DMD: variants seen among roughly 807,000 people sequenced by gnomAD.
DMD encodes mutant dystrophin.
DMD carries 63 observed loss-of-function variants against 330.1 expected under a neutral mutation model. The observed-to-expected ratio is 0.19, with a 90% CI of 0.16 to 0.24. DMD has a LOEUF of 0.24. DMD is among the 10% of genes least tolerant of loss of function. DMD has a pLI of 1.00. For missense variants in DMD, 3,344 were observed against 2,684.1 expected (o/e 1.25, Z -5.43); for synonymous variants, 1,223 against 959.8 (o/e 1.27, Z -5.07).
chrX:31,867,091 G>GATATATAT (rs35804192), intron 48 of DMD, among the ~76,000 whole-genome samples: 1,339 of 101,220 alleles, frequency 0.013, 9 homozygotes, highest in African/African-American at 0.024. Context: ...AACATATTTT[G>GATATATAT]ATATATATAT....
At chrX:32,695,452 TATATC>T (rs776570171) in intron 9 of DMD, among the ~76,000 whole-genome samples, 13 of 111,707 alleles carry the variant, frequency 1.2e-4, no homozygotes, top group Non-Finnish European at 2.4e-4. Context: ...AAAATATTAA[TATATC>T]ATAAATCTTT....
chrX:32,788,662 G>A (rs186873615), intron 7 of DMD, among the ~76,000 whole-genome samples: 1 of 111,998 alleles, frequency 8.9e-6, no homozygotes, highest in East Asian at 2.8e-4. Context: ...AATACAAACT[G>A]TTTAGCAAAA....
At chrX:32,297,498 C>G (rs2097502976) in intron 42 of DMD, among the ~76,000 whole-genome samples, 1 of 110,563 alleles carries the variant, frequency 9.0e-6, no homozygotes, top group African/African-American at 3.3e-5. Flanking sequence ...TGGTATTGAA[C>G]TCCTGACCCT....
In DMD at chrX:31,987,415, T is replaced by C. The variant is rs187036763; in HGVS notation, c.6439-18901A>G. ...AATTCTTCCTTTCTAATCGTGACTT[T>C]GTACCCATTGACAATCCTCTCCCCA... On this transcript the variant is annotated intron_variant, in intron 44 of 78. Transcript: ENST00000357033. Among the ~76,000 whole-genome samples, 16 of 111,744 alleles carry C rather than the reference T, an allele frequency of 1.4e-4. No homozygotes were observed. In the Admixed American group the frequency reaches 1.5e-3, roughly 11 times the overall value.
intron 44 of DMD, among the ~76,000 whole-genome samples, chrX:32,119,980 G>A (rs2096627968): frequency 8.9e-6 from 1 of 111,902 alleles, no homozygotes; most frequent in Admixed American, 9.5e-5. Context: ...GTTGAAGGGA[G>A]GGGCTGTGTC....
At chrX:31,993,381 T>A (rs1167054672) in intron 44 of DMD, among the ~76,000 whole-genome samples, 2 of 111,725 alleles carry the variant, frequency 1.8e-5, no homozygotes, top group Admixed American at 9.5e-5. Flanking sequence ...AGGAGTCTCA[T>A]GACACACAGG....
rs766844452 is a variant in DMD at position 32,707,134 on chromosome X, G to A, written c.650-7841C>T. ...ATCTATATTGAAAATATGAGACACAGAAAAATATACTCCACAAACGTTTAT... is the reference window on the plus strand; with the variant it reads ...ATCTATATTGAAAATATGAGACACAAAAAAATATACTCCACAAACGTTTAT... On this transcript the variant is annotated intron_variant, in intron 7 of 78. Transcript: ENST00000357033. 8.1e-5 allele frequency among the ~76,000 whole-genome samples: 9 copies of A among 111,584 alleles called. No homozygotes were observed. In the East Asian group the frequency reaches 2.5e-3, roughly 31 times the overall value.
chrX:32,503,712 C>T (rs745523292), intron 18 of DMD, among the ~76,000 whole-genome samples: 306 of 110,205 alleles, frequency 2.8e-3, no homozygotes, highest in Non-Finnish European at 3.4e-3. Flanking sequence ...TGCACCACCA[C>T]GCCCAGCTAA....
chrX:31,265,797 G>A (rs1324795001), intron 62 of DMD, among the ~76,000 whole-genome samples: 1 of 18,571 alleles, frequency 5.4e-5, no homozygotes, highest in Non-Finnish European at 9.1e-5. Context: ...GGGGGGGGGG[G>A]TGGGTGACAA....
chrX:32,471,834 C>G (rs751039798), intron 22 of DMD, among the ~76,000 whole-genome samples: 2 of 111,497 alleles, frequency 1.8e-5, no homozygotes, highest in Non-Finnish European at 1.9e-5. Flanking sequence ...ACAGGAGTTA[C>G]AAATAAAGAA....
rs925217668 is a variant in DMD at position 33,076,999 on chromosome X, T to A, written c.32-56799A>T. 8.1e-5 allele frequency among the ~76,000 whole-genome samples: 9 copies of A among 110,586 alleles called. No homozygotes were observed. In the South Asian group the frequency reaches 3.6e-3, roughly 44 times the overall value. On this transcript the variant is annotated intron_variant, in intron 1 of 78. Coordinates refer to ENST00000357033, the MANE Select transcript of DMD (RefSeq NM_004006.3). Reference sequence around the variant, plus strand: ...ATGAAATCACAGGGAGTCGGAGCTGTCTTCTTGCGCTGAGTCAGTTCCTGG... The same window carrying A: ...ATGAAATCACAGGGAGTCGGAGCTGACTTCTTGCGCTGAGTCAGTTCCTGG...
chrX:32,914,014 T>A, intron 2 of DMD, among the ~76,000 whole-genome samples: 1 of 111,672 alleles, frequency 9.0e-6, no homozygotes, highest in Non-Finnish European at 1.9e-5. Context: ...TGTGATCAGC[T>A]ACCAAATGAG....
At chrX:32,827,089 A>AC (rs1406541674) in intron 4 of DMD, among the ~76,000 whole-genome samples, 5 of 93,752 alleles carry the variant, frequency 5.3e-5, no homozygotes, top group African/African-American at 2.1e-4. Context: ...ACACAGCAGC[A>AC]GCCACAGATA....
At chrX:32,078,260 T>G (rs1028342706) in intron 44 of DMD, among the ~76,000 whole-genome samples, 1 of 112,072 alleles carries the variant, frequency 8.9e-6, no homozygotes, top group East Asian at 2.8e-4. Flanking sequence ...TAACACTGAT[T>G]TATTTTTTTC....
intron 62 of DMD, among the ~76,000 whole-genome samples, chrX:31,281,175 ACT>A (rs1458063893): frequency 9.0e-6 from 1 of 111,438 alleles, no homozygotes; most frequent in Non-Finnish European, 1.9e-5. Flanking sequence ...AACGACAGAG[ACT>A]CTATTTTGTG....
rs973123888 is a variant in DMD at position 32,061,650 on chromosome X, G to T, written c.6439-93136C>A. Reference sequence around the variant, plus strand: ...GTCCACACCACTGCTTATAACCTTGGAATTAAGAAATGTGGAGGTGCCATT... The same window carrying T: ...GTCCACACCACTGCTTATAACCTTGTAATTAAGAAATGTGGAGGTGCCATT... On this transcript the variant is annotated intron_variant, in intron 44 of 78. Transcript: ENST00000357033. Among the ~76,000 whole-genome samples the T allele has an allele frequency of 2.7e-5, 3 of 110,854 alleles. No homozygotes were observed. The Admixed American group carries it at 2.9e-4, about 11-fold the overall frequency.
intron 2 of DMD, among the ~76,000 whole-genome samples, chrX:32,853,424 A>T (rs1056571850): frequency 3.2e-4 from 36 of 111,837 alleles, no homozygotes; most frequent in African/African-American, 1.1e-3. Context: ...GTATAATGAG[A>T]TATAAACAAA....
At chrX:33,070,706 T>C (rs1258486578) in intron 1 of DMD, among the ~76,000 whole-genome samples, 2 of 93,040 alleles carry the variant, frequency 2.1e-5, no homozygotes, top group African/African-American at 7.8e-5. Flanking sequence ...TATATATATA[T>C]ATATGTTCAT....
At chrX:31,434,209 A>G (rs2064298140) in intron 60 of DMD, among the ~76,000 whole-genome samples, 1 of 111,531 alleles carries the variant, frequency 9.0e-6, no homozygotes, top group Non-Finnish European at 1.9e-5. Context: ...ATTACTTCAA[A>G]TGATCCCTAG....
Sources: gnomAD v4.1 joint callset for allele counts (sites outside exome capture counted in the v4.1 genomes callset) on GRCh38, gnomAD v4.1.1 for gene constraint, MANE v1.5 for transcripts, NCBI Gene and HGNC (gene_info 2026-07-23, HGNC 2026-07-21) for gene names.